ST6GAL2: variants seen among roughly 807,000 people sequenced by gnomAD.
ST6GAL2 encodes ST6 beta-galactoside alpha-2,6-sialyltransferase 2, also known as beta-galactoside alpha-2,6-sialyltransferase 2.
In ST6GAL2, 24 loss-of-function variants were observed where a neutral mutation model predicts 37.5. The observed-to-expected ratio is 0.64, with a 90% CI of 0.46 to 0.90. The LOEUF (loss-of-function observed/expected upper bound fraction) is 0.90. ST6GAL2 is among the 40% of genes least tolerant of loss of function. ST6GAL2 has a pLI of 0.00. For missense variants in ST6GAL2, 715 were observed against 712.7 expected (o/e 1.00, Z -0.04); for synonymous variants, 306 against 295.1 (o/e 1.04, Z -0.38).
chr2:106,879,980 C>T (rs544693454), intron 1 of ST6GAL2, among the ~76,000 whole-genome samples: 1 of 148,200 alleles, frequency 6.7e-6, no homozygotes, highest in African/African-American at 2.5e-5. Context: ...CTATTATATA[C>T]ACATATAGAC....
At chr2:106,824,610 T>A (rs959363495) in intron 5 of ST6GAL2, among the ~76,000 whole-genome samples, 1 of 152,188 alleles carries the variant, frequency 6.6e-6, no homozygotes, top group African/African-American at 2.4e-5. Flanking sequence ...CCAGCCTGGA[T>A]GACAGAGTGA....
At chr2:106,808,390 A>C (rs1461687154) in intron 5 of ST6GAL2, among the ~76,000 whole-genome samples, 2 of 152,110 alleles carry the variant, frequency 1.3e-5, no homozygotes, top group African/African-American at 4.8e-5. Flanking sequence ...AGTAAAACAC[A>C]CTCCTAACAA....
At chr2:106,839,154 T>G (rs1463786677) in intron 2 of ST6GAL2, among the ~76,000 whole-genome samples, 1 of 152,206 alleles carries the variant, frequency 6.6e-6, no homozygotes, top group Admixed American at 6.5e-5. Flanking sequence ...ATAGAGTGGC[T>G]TGCAAGGGCA....
At chr2:106,850,851 A>T (rs1677330594) in intron 1 of ST6GAL2, among the ~76,000 whole-genome samples, 1 of 152,208 alleles carries the variant, frequency 6.6e-6, no homozygotes, top group Admixed American at 6.5e-5. Flanking sequence ...GTCGTCGGTA[A>T]TACTCACTGC....
At chr2:106,850,852 T>C (rs1455353482) in intron 1 of ST6GAL2, among the ~76,000 whole-genome samples, 2 of 152,196 alleles carry the variant, frequency 1.3e-5, no homozygotes, top group African/African-American at 4.8e-5. Context: ...TCGTCGGTAA[T>C]ACTCACTGCC....
intron 5 of ST6GAL2, among the ~76,000 whole-genome samples, chr2:106,828,111 C>A (rs1558686641): frequency 6.6e-6 from 1 of 152,120 alleles, no homozygotes; most frequent in Non-Finnish European, 1.5e-5. Flanking sequence ...TTAACAAAAA[C>A]AACATAGGAA....
chr2:106,809,902 G>A (rs1395965140), intron 5 of ST6GAL2, among the ~76,000 whole-genome samples: 3 of 152,138 alleles, frequency 2.0e-5, no homozygotes, highest in South Asian at 2.1e-4. Flanking sequence ...AGTAACACAC[G>A]TTCCTGGACC....
intron 1 of ST6GAL2, among the ~76,000 whole-genome samples, chr2:106,855,986 G>A (rs543957623): frequency 5.3e-5 from 8 of 152,210 alleles, no homozygotes; most frequent in African/African-American, 1.7e-4. Flanking sequence ...CTGAGCTTCC[G>A]GTGGAACAAC....
chr2:106,851,799 A>G (rs1677375662), intron 1 of ST6GAL2, among the ~76,000 whole-genome samples: 1 of 151,926 alleles, frequency 6.6e-6, no homozygotes, highest in Non-Finnish European at 1.5e-5. Context: ...ACTAATGCTA[A>G]GTCTAAGTAT....
rs879673871 is a variant in ST6GAL2 at position 106,848,037 on chromosome 2, CTCTT to C, written c.-57-4007_-57-4004del. On this transcript the variant is annotated intron_variant, in intron 1 of 5. Coordinates refer to ENST00000409382, the MANE Select transcript of ST6GAL2 (RefSeq NM_001142351.2). ...AGTTTGAACCCTGTAATTTCTTTTT[CTCTT>C]TCTTTTTTTTTTTTTTTTTGAGACA... is the stretch of plus-strand genomic sequence containing the variant. 1.3e-3 allele frequency among the ~76,000 whole-genome samples: 191 copies of C among 151,112 alleles called. 1 individual carries two copies. The highest frequency in any genetic ancestry group is 2.4e-3 in the Non-Finnish European group (160 of 67,780).
chr2:106,851,271 C>G (rs1336611608), intron 1 of ST6GAL2, among the ~76,000 whole-genome samples: 3 of 152,174 alleles, frequency 2.0e-5, no homozygotes, highest in Non-Finnish European at 4.4e-5. Context: ...TCAAAAGTGC[C>G]TCACTGCTGG....
intron 4 of ST6GAL2, 123 bp from the exon 5 acceptor site, chr2:106,830,363 G>C: frequency 2.7e-6 from 2 of 738,076 alleles, no homozygotes; most frequent in Admixed American, 4.9e-5. Flanking sequence ...GAAAGATCAT[G>C]ACTCATGACA....
chr2:106,884,907 A>ATATATATATATATATG (rs1678900929), intron 1 of ST6GAL2, among the ~76,000 whole-genome samples: 3 of 18,658 alleles, frequency 1.6e-4, no homozygotes, highest in African/African-American at 4.0e-4. Flanking sequence ...TTTGCAGCGC[A>ATATATATATATATATG]TATATATATA....
At chr2:106,832,839 A>C (rs575886063) in intron 3 of ST6GAL2, among the ~76,000 whole-genome samples, 173 bp from the exon 4 acceptor site, 34 of 152,256 alleles carry the variant, frequency 2.2e-4, no homozygotes, top group African/African-American at 7.7e-4. Flanking sequence ...GCACTTAAAG[A>C]ATGTTTGAGG....
chr2:106,810,396 T>A (rs904838577), intron 5 of ST6GAL2, among the ~76,000 whole-genome samples: 2 of 152,210 alleles, frequency 1.3e-5, no homozygotes, highest in East Asian at 3.9e-4. Flanking sequence ...CCTATGAAAG[T>A]GGGTGTTTGT....
rs139246676 is a variant in ST6GAL2, at chr2:106,826,171, G to C, written c.1318+3895C>G. 3.4e-3 allele frequency among the ~76,000 whole-genome samples: 522 copies of C among 152,304 alleles called. 1 individual carries two copies. Among genetic ancestry groups the C allele is most frequent in the Non-Finnish European group, 5.6e-3 (381 of 68,030 alleles). Reference sequence around the variant, plus strand: ...ATGTATGCAGTGGATGTGTTAGTCTGTTCTTGCACTGCTATAATAAAATAC... The same window carrying C: ...ATGTATGCAGTGGATGTGTTAGTCTCTTCTTGCACTGCTATAATAAAATAC... On this transcript the variant is annotated intron_variant, in intron 5 of 5. Coordinates refer to ENST00000409382, the MANE Select transcript of ST6GAL2 (RefSeq NM_001142351.2).
chr2:106,832,796 G>C (rs1676475950), intron 3 of ST6GAL2, 130 bp from the exon 4 acceptor site: 3 of 698,584 alleles, frequency 4.3e-6, no homozygotes, highest in Non-Finnish European at 7.8e-6. Flanking sequence ...TTTTCTTCTG[G>C]GGGAGGGAGA....
rs374976686 is a variant in ST6GAL2 at position 106,863,569 on chromosome 2, G to A, written c.-57-19535C>T. Among the ~76,000 whole-genome samples, 35 of 152,260 alleles carry A rather than the reference G, an allele frequency of 2.3e-4. 1 individual carries two copies. The highest frequency in any genetic ancestry group is 8.4e-4 in the African/African-American group (35 of 41,552). ...CATGATGAAGTGGCACCTGTAGAAC[G>A]TGTAGGCAGTAGCCACTATGGGGCA... On this transcript the variant is annotated intron_variant, in intron 1 of 5. Transcript: ENST00000409382.
At chr2:106,841,703 G>C (rs1459640131) in intron 2 of ST6GAL2, among the ~76,000 whole-genome samples, 1 of 152,130 alleles carries the variant, frequency 6.6e-6, no homozygotes, top group Non-Finnish European at 1.5e-5. Context: ...TGGGGCAGGT[G>C]GGGAAATGAA....
Sources: gnomAD v4.1 joint callset for allele counts (sites outside exome capture counted in the v4.1 genomes callset) on GRCh38, gnomAD v4.1.1 for gene constraint, MANE v1.5 for transcripts, NCBI Gene and HGNC (gene_info 2026-07-23, HGNC 2026-07-21) for gene names.